The following PTPRN2 variants were observed in gnomAD, a reference collection of about 807,000 sequenced individuals.
PTPRN2 encodes the protein protein tyrosine phosphatase receptor type N2, also known as receptor-type tyrosine-protein phosphatase N2.
A neutral mutation model predicts 118.8 loss-of-function variants in PTPRN2; 74 were observed. The observed-to-expected ratio is 0.62, with a 90% CI of 0.52 to 0.76. The LOEUF (loss-of-function observed/expected upper bound fraction) is 0.76, where lower values mean the gene tolerates loss of function less well. PTPRN2 is among the 30% of genes least tolerant of loss of function. The probability of loss-of-function intolerance (pLI) is 0.00; values close to 1 mark genes in which losing one functional copy is unlikely to be tolerated. For missense variants in PTPRN2, 1,481 were observed against 1,394.4 expected, an observed-to-expected ratio of 1.06 and a Z score of -0.99; for synonymous variants, 641 against 608.0, an observed-to-expected ratio of 1.05 and a Z score of -0.80.
intron 12 of PTPRN2, chr7:157,862,526 T>A (rs1810314859): frequency 6.6e-6 from 1 of 152,284 alleles, no homozygotes. Flanking sequence ...TTAACATTGA[T>A]ATTCATCTCT....
intron 11 of PTPRN2, among the ~76,000 whole-genome samples, chr7:157,927,203 A>G (rs75855978): frequency 0.25 from 6,666 of 26,432 alleles, 2,181 homozygotes; most frequent in Non-Finnish European, 0.31. Context: ...CTGGGACCCC[A>G]AAGACAGGAA....
intron 2 of PTPRN2, among the ~76,000 whole-genome samples, chr7:158,344,805 G>A (rs1259043239): frequency 6.6e-6 from 1 of 152,192 alleles, no homozygotes; most frequent in Admixed American, 6.5e-5. Context: ...AGGGGCCCAG[G>A]GGACCCTGGC....
intron 16 of PTPRN2, among the ~76,000 whole-genome samples, chr7:157,602,150 T>G (rs1377738855): frequency 6.6e-6 from 1 of 152,214 alleles, no homozygotes; most frequent in Non-Finnish European, 1.5e-5. Flanking sequence ...AGGAAGGAAG[T>G]GATTCCTTCT....
chr7:157,603,617 C>G lies in PTPRN2; in HGVS notation c.2418+385G>C, dbSNP rs1801817521. Among the ~76,000 whole-genome samples, 1 of 152,194 alleles carries G rather than the reference C, an allele frequency of 6.6e-6. No homozygotes were observed. Among genetic ancestry groups the G allele is most frequent in the African/African-American group, 2.4e-5 (1 of 41,444 alleles). On this transcript the variant is annotated intron_variant, in intron 16 of 22. Transcript: ENST00000389418. The surrounding 1 kb of genome is among the most constrained non-coding windows in gnomAD (Gnocchi z 5.4). ...CCAAGCCACTGATTGTTACAAAAAG[C>G]GTAGACTGAGGCCTCATGTCCCCAT...
At chr7:157,955,035 G>T (rs1402006575) in intron 11 of PTPRN2, among the ~76,000 whole-genome samples, 1 of 152,160 alleles carries the variant, frequency 6.6e-6, no homozygotes, top group African/African-American at 2.4e-5. Flanking sequence ...CGGGTGGGGT[G>T]GAGGGTGCTG....
intron 1 of PTPRN2, among the ~76,000 whole-genome samples, chr7:158,566,789 C>G (rs1183680722): frequency 2.0e-5 from 3 of 152,138 alleles, no homozygotes; most frequent in Non-Finnish European, 2.9e-5. Context: ...AATCTCTGCT[C>G]ACTGCAACCT....
intron 12 of PTPRN2, among the ~76,000 whole-genome samples, chr7:157,790,030 G>C (rs201285003): frequency 1.7e-4 from 3 of 17,242 alleles, no homozygotes; most frequent in Non-Finnish European, 3.4e-4. Context: ...ATGTGTGTGT[G>C]GTGGGGGTGT....
intron 11 of PTPRN2, among the ~76,000 whole-genome samples, chr7:158,050,724 C>A (rs1305193593): frequency 6.6e-6 from 1 of 152,218 alleles, no homozygotes; most frequent in Non-Finnish European, 1.5e-5. Flanking sequence ...GGTTCCCACA[C>A]CATTCTGTCC....
chr7:157,918,966 C>T (rs888072952), intron 11 of PTPRN2, among the ~76,000 whole-genome samples: 4 of 152,146 alleles, frequency 2.6e-5, no homozygotes, highest in African/African-American at 9.7e-5. Flanking sequence ...ACTTTAAATG[C>T]CCCCATCTTA....
intron 1 of PTPRN2, among the ~76,000 whole-genome samples, chr7:158,579,022 C>T (rs890801997): frequency 1.4e-4 from 22 of 152,154 alleles, no homozygotes; most frequent in African/African-American, 5.1e-4. Flanking sequence ...CTCAGCCTCC[C>T]GAAGTGCTGG....
intron 9 of PTPRN2, among the ~76,000 whole-genome samples, chr7:158,121,485 C>G (rs1218724088): frequency 6.6e-6 from 1 of 152,200 alleles, no homozygotes; most frequent in East Asian, 1.9e-4. Flanking sequence ...TCTTCCAAGC[C>G]TACTGCCCCC....
intron 6 of PTPRN2, among the ~76,000 whole-genome samples, chr7:158,148,528 C>A (rs534988016): frequency 1.0e-5 from 1 of 95,360 alleles, no homozygotes; most frequent in African/African-American, 4.3e-5. Flanking sequence ...CCCCATCTCA[C>A]GCCACAGGTC....
chr7:157,816,575 G>A (rs1806414379), intron 12 of PTPRN2, among the ~76,000 whole-genome samples: 1 of 152,228 alleles, frequency 6.6e-6, no homozygotes, highest in Admixed American at 6.5e-5. Context: ...AGTCCCTAGT[G>A]TTCTTTTTAC....
chr7:158,172,500 A>G (rs993561556), intron 5 of PTPRN2, among the ~76,000 whole-genome samples: 1 of 150,610 alleles, frequency 6.6e-6, no homozygotes, highest in Non-Finnish European at 1.5e-5. Context: ...TCATCCCACC[A>G]TCAATAGCAG....
chr7:157,833,749 A>G (rs1807745209), intron 12 of PTPRN2, among the ~76,000 whole-genome samples: 1 of 152,208 alleles, frequency 6.6e-6, no homozygotes, highest in South Asian at 2.1e-4. Flanking sequence ...CGCTGCTTCA[A>G]TTTCCTTCCA....
chr7:158,144,658 G>T (rs1019291840), intron 6 of PTPRN2, among the ~76,000 whole-genome samples: 8 of 152,030 alleles, frequency 5.3e-5, no homozygotes, highest in African/African-American at 1.9e-4. Flanking sequence ...GAAGGAGAAG[G>T]GGGACATCAG....
chr7:158,137,584 C>T (rs567257140), intron 7 of PTPRN2, among the ~76,000 whole-genome samples: 130 of 152,218 alleles, frequency 8.5e-4, no homozygotes, highest in Admixed American at 2.8e-3. Context: ...AACCACTGGG[C>T]GACCACCTAA....
In PTPRN2 at chr7:157,784,121, A is replaced by G. The variant is rs542034366; in HGVS notation, c.1789-101184T>C. 6.6e-6 allele frequency among the ~76,000 whole-genome samples: 1 copy of G among 152,294 alleles called. No homozygotes were observed. The highest frequency in any genetic ancestry group is 2.4e-5 in the African/African-American group (1 of 41,582). On this transcript the variant is annotated intron_variant, in intron 12 of 22. Transcript: ENST00000389418. The surrounding 1 kb of genome is among the most constrained non-coding windows in gnomAD (Gnocchi z 4.6). The stretch of plus-strand genomic sequence containing the variant: ...GATGGGTGTGTTTAGTTCTGCTTCC[A>G]GGGACTATTCCTAAATTCTGCTTGT...
At chr7:158,197,628 T>A (rs1049308845) in intron 4 of PTPRN2, among the ~76,000 whole-genome samples, 5 of 152,080 alleles carry the variant, frequency 3.3e-5, no homozygotes, top group Non-Finnish European at 7.3e-5. Flanking sequence ...AAAGGAGAGG[T>A]TTAATTGACT....
Sources: allele counts gnomAD v4.1 joint callset (sites outside exome capture counted in the v4.1 genomes callset), GRCh38; gene constraint gnomAD v4.1.1; non-coding constraint Gnocchi (gnomAD v3.1); transcripts MANE v1.5; gene names NCBI Gene and HGNC (gene_info 2026-07-23, HGNC 2026-07-21).